Variants in CEP152 observed in about 807,000 individuals in gnomAD.
CEP152 encodes the protein centrosomal protein 152, also known as centrosomal protein of 152 kDa.
A neutral mutation model predicts 188.9 loss-of-function variants in CEP152; 132 were observed. That is an observed-to-expected ratio of 0.70 (90% CI 0.61 to 0.81). The LOEUF (loss-of-function observed/expected upper bound fraction) is 0.81. Ranked by LOEUF, CEP152 falls within the 30% of genes least tolerant of loss-of-function variation. The pLI is 0.00. For missense variants in CEP152, 1,914 were observed against 1,969.8 expected (o/e 0.97, Z 0.54); for synonymous variants, 649 against 666.6 (o/e 0.97, Z 0.41).
intron 20 of CEP152, among the ~76,000 whole-genome samples, chr15:48,754,846 A>T (rs549522469): frequency 9.8e-5 from 15 of 152,320 alleles, no homozygotes; most frequent in African/African-American, 3.6e-4. Context: ...TAATCTAGTT[A>T]TCATCGAATA....
chr15:48,760,320 A>T, intron 18 of CEP152, 54 bp from the exon 19 acceptor site: 1 of 1,598,654 alleles, frequency 6.3e-7, no homozygotes, highest in Non-Finnish European at 8.6e-7. Flanking sequence ...CTTAAAAAAG[A>T]TCCCATTTTT....
At chr15:48,763,668 G>A (rs571335767) in intron 17 of CEP152, among the ~76,000 whole-genome samples, 6 of 151,870 alleles carry the variant, frequency 4.0e-5, no homozygotes, top group East Asian at 3.9e-4. Context: ...GCGAGGCTCC[G>A]TCTCAAAAAA....
chr15:48,738,176 T>G lies in CEP152; in HGVS notation c.*73A>C, dbSNP rs886051259. The G allele has an allele frequency of 6.8e-7, 1 of 1,466,456 alleles. No homozygotes were observed. Among genetic ancestry groups the G allele is most frequent in the Non-Finnish European group, 9.1e-7 (1 of 1,100,504 alleles). 90.8% of individuals were successfully genotyped at this position (1,466,456 alleles called of 1,614,324 possible). On this transcript the variant is annotated 3_prime_UTR_variant, in exon 27 of 27. Coordinates refer to ENST00000380950, the MANE Select transcript of CEP152 (RefSeq NM_001194998.2). ...TCTCAAAAGAGGCAGGGCTCACAAT[T>G]TTTTTCAGTATGAGGTCTTCCCTTC...
At chr15:48,740,320 C>G (rs1337158180) in intron 26 of CEP152, among the ~76,000 whole-genome samples, 1 of 152,124 alleles carries the variant, frequency 6.6e-6, no homozygotes, top group African/African-American at 2.4e-5. Context: ...CTTGGTATAT[C>G]ATTCTCCATC....
chr15:48,797,576 A>C lies in CEP152; in HGVS notation c.265T>G (p.Tyr89Asp). 1 of 1,614,104 alleles carries C rather than the reference A, an allele frequency of 6.2e-7. No individual in the cohort carries two copies. The highest frequency in any genetic ancestry group is 8.5e-7 in the Non-Finnish European group (1 of 1,180,012). ...MLPKSQSVNGYNEIQSLYAGE... is the reference protein window; with the variant it reads ...MLPKSQSVNGDNEIQSLYAGE... ...GCATATAAACTCTGAATTTCATTAT[A>C]GCCCTATTAGATAACAAGAGTAAAA... is the stretch of plus-strand genomic sequence containing the variant. Residue 89 changes from tyrosine to aspartate, a missense_variant, in exon 5 of 27, where the codon TAT becomes GAT. Physicochemically the swap from Tyr to Asp is radical, Grantham distance 160 (BLOSUM62 -3). Coordinates refer to ENST00000380950, the MANE Select transcript of CEP152 (RefSeq NM_001194998.2).
In CEP152 at chr15:48,756,307, G is replaced by A; in HGVS notation, c.2941C>T (p.Gln981Ter). 6.3e-7 allele frequency: 1 copy of A among 1,575,664 alleles called. No homozygotes were observed. The highest frequency in any genetic ancestry group is 8.6e-7 in the Non-Finnish European group (1 of 1,164,154). The change falls in exon 20 of 27, where the codon CAA becomes TAA. Residue 981 changes from glutamine (Q) to a stop codon, truncating the protein, a stop_gained. Coordinates refer to ENST00000380950, the MANE Select transcript of CEP152 (RefSeq NM_001194998.2). LOFTEE classifies it high-confidence loss of function. The stretch of plus-strand genomic sequence containing the variant: ...TTATTTCGGTGATCATCTAAAAATT[G>A]CCGGTAATCTTGCTCATTTTGTTCT... ...IQEQNEQDYR[Q>*]FLDDHRNKIN...
intron 12 of CEP152, among the ~76,000 whole-genome samples, chr15:48,779,697 A>T (rs902419336): frequency 2.0e-5 from 3 of 152,210 alleles, no homozygotes; most frequent in Non-Finnish European, 4.4e-5. Flanking sequence ...CTATTATTCA[A>T]AACAATCTGG....
At chr15:48,747,201 TAAAG>T (rs1264373243) in intron 22 of CEP152, among the ~76,000 whole-genome samples, 1 of 152,172 alleles carries the variant, frequency 6.6e-6, no homozygotes, top group Non-Finnish European at 1.5e-5. Flanking sequence ...ACTAGAAGCA[TAAAG>T]AGTCAGGGAA....
intron 7 of CEP152, 34 bp downstream of exon 7, chr15:48,793,287 T>A: frequency 2.5e-6 from 4 of 1,611,640 alleles, no homozygotes; most frequent in Non-Finnish European, 3.4e-6. Context: ...TCTAACTCAG[T>A]GTACCTCATA....
intron 9 of CEP152, among the ~76,000 whole-genome samples, chr15:48,787,897 C>T (rs888274325): frequency 1.3e-5 from 2 of 152,160 alleles, no homozygotes; most frequent in African/African-American, 2.4e-5. Flanking sequence ...TATTTTATTC[C>T]CCCTTGAGTG....
intron 1 of CEP152, chr15:48,810,199 A>G (rs919703721): frequency 6.6e-6 from 1 of 152,204 alleles, no homozygotes; most frequent in Non-Finnish European, 1.5e-5. Context: ...CTGCACTTGG[A>G]GTTGGGAAAT....
chr15:48,804,333 T>C (rs1897847162), intron 2 of CEP152, among the ~76,000 whole-genome samples: 1 of 152,244 alleles, frequency 6.6e-6, no homozygotes. Flanking sequence ...ATCCAGCAAG[T>C]TGCCAGTTTT....
intron 17 of CEP152, among the ~76,000 whole-genome samples, chr15:48,766,475 A>G (rs1319161204): frequency 1.3e-5 from 2 of 152,308 alleles, no homozygotes; most frequent in East Asian, 3.9e-4. Context: ...AGTGACTCAG[A>G]AGAATCAGGC....
intron 12 of CEP152, 71 bp from the exon 13 acceptor site, chr15:48,772,762 C>G (rs1379440167): frequency 7.6e-7 from 1 of 1,313,426 alleles, no homozygotes; most frequent in Non-Finnish European, 1.1e-6. Context: ...CCTAAAAGCA[C>G]TGACCACAGT....
At chr15:48,731,078 T>G (rs1259807723) in intron 2 of CEP152, among the ~76,000 whole-genome samples, 2 of 152,202 alleles carry the variant, frequency 1.3e-5, no homozygotes, top group Non-Finnish European at 2.9e-5. Flanking sequence ...TTCACTTACA[T>G]GAGATTTCTA....
chr15:48,798,879 C>T (rs754334679), intron 2 of CEP152, among the ~76,000 whole-genome samples: 2 of 152,010 alleles, frequency 1.3e-5, no homozygotes, highest in Non-Finnish European at 1.5e-5. Context: ...TTTAGGATTT[C>T]AATAACTGTC....
chr15:48,731,903 A>G (rs1016496882), intron 2 of CEP152, among the ~76,000 whole-genome samples: 1 of 152,348 alleles, frequency 6.6e-6, no homozygotes, highest in East Asian at 1.9e-4. Flanking sequence ...AAAAGGAGAC[A>G]TTTATGTGAC....
intron 9 of CEP152, among the ~76,000 whole-genome samples, chr15:48,787,386 G>A (rs543379400): frequency 3.2e-4 from 48 of 151,950 alleles, no homozygotes; most frequent in African/African-American, 1.1e-3. Flanking sequence ...GCCCAGGCTA[G>A]TCTTGAACTC....
chr15:48,792,561 G>A (rs995479422), intron 7 of CEP152, among the ~76,000 whole-genome samples: 6 of 152,128 alleles, frequency 3.9e-5, no homozygotes, highest in African/African-American at 1.4e-4. Flanking sequence ...CCCAGACATG[G>A]CACTTCACAA....
Sources: gnomAD v4.1 joint callset for allele counts (sites outside exome capture counted in the v4.1 genomes callset) on GRCh38, gnomAD v4.1.1 for gene constraint, MANE v1.5 for transcripts, NCBI Gene and HGNC (gene_info 2026-07-23, HGNC 2026-07-21) for gene names.